The following FAM222A variants were observed in gnomAD, a reference collection of about 807,000 sequenced individuals.
FAM222A encodes protein FAM222A.
Under a neutral mutation model 25.8 loss-of-function variants are expected in FAM222A, and 7 were observed. The observed-to-expected ratio is 0.27, with a 90% CI of 0.15 to 0.51. The LOEUF is 0.51. Among genes scored for constraint, FAM222A ranks in the 20% least tolerant of loss-of-function variants. The probability of loss-of-function intolerance (pLI) is 0.97; values close to 1 mark genes in which losing one functional copy is unlikely to be tolerated. For synonymous variants in FAM222A, 294 were observed against 298.8 expected (o/e 0.98, Z 0.17); for missense variants, 573 against 640.5 (o/e 0.89, Z 1.14).
intron 1 of FAM222A, among the ~76,000 whole-genome samples, chr12:109,721,678 T>C (rs1887748667): frequency 6.6e-6 from 1 of 152,222 alleles, no homozygotes; most frequent in African/African-American, 2.4e-5. Flanking sequence ...GATCTCTGTG[T>C]ATCCAGGTTG....
At chr12:109,720,222 C>T in intron 1 of FAM222A, 1 of 981,712 alleles carries the variant, frequency 1.0e-6, no homozygotes, top group Admixed American at 6.1e-5. Context: ...GCAGAGGGCA[C>T]AGGGGACAAA....
chr12:109,724,746 C>T (rs75368925), intron 1 of FAM222A, among the ~76,000 whole-genome samples: 3 of 152,290 alleles, frequency 2.0e-5, no homozygotes, highest in Non-Finnish European at 4.4e-5. Flanking sequence ...CTTGTCATCT[C>T]TCTTCCCTTG....
intron 1 of FAM222A, among the ~76,000 whole-genome samples, chr12:109,728,000 C>G (rs1032128953): frequency 6.6e-6 from 1 of 152,140 alleles, no homozygotes; most frequent in African/African-American, 2.4e-5. Flanking sequence ...CTCTGAGCCT[C>G]GATCTCCTTA....
chr12:109,725,207 A>G (rs1333329735), intron 1 of FAM222A, among the ~76,000 whole-genome samples: 2 of 152,148 alleles, frequency 1.3e-5, no homozygotes, highest in Admixed American at 6.5e-5. Context: ...AGCAGCCAGC[A>G]TTTGTGGGGC....
At chr12:109,748,334 CTTTT>C (rs61492433) in intron 2 of FAM222A, among the ~76,000 whole-genome samples, 42 of 81,646 alleles carry the variant, frequency 5.1e-4, no homozygotes, top group Non-Finnish European at 7.4e-4. Context: ...GGTTTTCTTT[CTTTT>C]TTTTTTTTTT....
Position 109,768,269 on chromosome 12 carries a change from A to G in FAM222A, c.340A>G (p.Ser114Gly), listed in dbSNP as rs1055284617. ...AIVKAAVSSS[S>G]TAAPAGPAKS... ...TGTCAAGGCCGCGGTTTCCTCCTCC[A>G]GCACGGCCGCACCAGCTGGGCCCGC... Residue 114 changes from serine to glycine, a missense_variant, in exon 3 of 3, where the codon AGC (serine) becomes GGC (glycine). Transcript: ENST00000538780. 1 of 1,607,456 alleles carries G rather than the reference A, an allele frequency of 6.2e-7. No individual in the cohort carries two copies. The highest frequency in any genetic ancestry group is 1.1e-5 in the South Asian group (1 of 90,240).
intron 1 of FAM222A, among the ~76,000 whole-genome samples, chr12:109,733,531 G>A (rs1888000708): frequency 6.6e-6 from 1 of 152,028 alleles, no homozygotes; most frequent in Admixed American, 6.6e-5. Context: ...AGCCTCCTGA[G>A]TAGCTGGGAC....
intron 2 of FAM222A, among the ~76,000 whole-genome samples, chr12:109,759,225 A>G (rs1888818991): frequency 6.6e-6 from 1 of 152,168 alleles, no homozygotes; most frequent in Non-Finnish European, 1.5e-5. Flanking sequence ...CTTATCTGTC[A>G]AATGGGGGCA....
intron 2 of FAM222A, among the ~76,000 whole-genome samples, chr12:109,747,472 A>G (rs1323751856): frequency 6.6e-6 from 1 of 152,086 alleles, no homozygotes; most frequent in African/African-American, 2.4e-5. Flanking sequence ...TGGCTCTTTT[A>G]TTATTTTCTT....
intron 1 of FAM222A, among the ~76,000 whole-genome samples, chr12:109,739,756 T>C (rs1016131635): frequency 2.0e-5 from 3 of 152,172 alleles, no homozygotes; most frequent in Non-Finnish European, 4.4e-5. Flanking sequence ...CTGTACAGTG[T>C]GGGGCTGAGG....
In FAM222A at chr12:109,727,582, A is replaced by G. The variant is rs573494256; in HGVS notation, c.-47+12685A>G. On this transcript the variant is annotated intron_variant, in intron 1 of 2. Transcript: ENST00000538780. ...CCAACACTCCAGCCACCCTTCAGGCAAGGGGCGGTAGTCTCATGTTTCAGA... is the reference window on the plus strand; with the variant it reads ...CCAACACTCCAGCCACCCTTCAGGCGAGGGGCGGTAGTCTCATGTTTCAGA... 6.6e-5 allele frequency among the ~76,000 whole-genome samples: 10 copies of G among 152,282 alleles called. No individual in the cohort carries two copies. In the East Asian group the frequency reaches 1.5e-3, roughly 24 times the overall value.
At position 109,714,196 on chromosome 12, in the gene FAM222A, CCCGCTGCCGCCGCCGCCG is replaced by C. The variant is rs552799193; in HGVS notation, c.-731_-714del. 5.6e-3 allele frequency: 1,168 copies of C among 209,370 alleles called. 10 individuals are homozygous for C. The highest frequency in any genetic ancestry group is 0.021 in the Admixed American group (344 of 16,756). The allele number at this position is 209,370 out of a possible 1,614,324, so 13.0% of individuals were successfully genotyped here. ...CGAGGCTGCATCCGAGCTTGCGTCG[CCCGCTGCCGCCGCCGCCG>C]CCGCTGCCGCCGCCGCTGTTCGCCG... On this transcript the variant is annotated 5_prime_UTR_variant, in exon 1 of 3. Transcript: ENST00000538780. This position sits in a 1 kb window ranked among gnomAD's most constrained non-coding sequence, Gnocchi z 4.2.
chr12:109,763,033 G>A (rs1888942901), intron 2 of FAM222A, among the ~76,000 whole-genome samples: 1 of 152,262 alleles, frequency 6.6e-6, no homozygotes, highest in Admixed American at 6.5e-5. Context: ...CCCAGGGCAG[G>A]TGTGAGAGCT....
chr12:109,768,935 C>A lies in FAM222A; in HGVS notation c.1006C>A (p.Pro336Thr). 6.3e-7 allele frequency: 1 copy of A among 1,576,198 alleles called. No homozygotes were observed. The highest frequency in any genetic ancestry group is 8.6e-7 in the Non-Finnish European group (1 of 1,167,948). Reference sequence around the variant, plus strand: ...ACCCCTCAACTGTGGCGTGGGGCTGCCCACCAGCTTCACCGTAGGCCAGTA... The same window carrying A: ...ACCCCTCAACTGTGGCGTGGGGCTGACCACCAGCTTCACCGTAGGCCAGTA... ...GSPLNCGVGL[P>T]TSFTVGQYFA... Residue 336 changes from proline (P) to threonine (T), a missense_variant, in exon 3 of 3, where the codon CCC (proline) becomes ACC (threonine). This residue lies in a region of FAM222A where 412 missense variants were observed against 407.0 expected (regional missense o/e 1.01). Coordinates refer to ENST00000538780, the MANE Select transcript of FAM222A (RefSeq NM_032829.3).
At chr12:109,755,306 T>C (rs1168956803) in intron 2 of FAM222A, among the ~76,000 whole-genome samples, 1 of 94,136 alleles carries the variant, frequency 1.1e-5, no homozygotes, top group Non-Finnish European at 2.1e-5. Context: ...TTTTTTTTTT[T>C]TTTTTTTTTT....
At chr12:109,744,604 C>T in intron 2 of FAM222A, 2 of 985,424 alleles carry the variant, frequency 2.0e-6, no homozygotes, top group Non-Finnish European at 2.4e-6. Context: ...AATGGGGTCC[C>T]CGCTTGAGGC....
At chr12:109,718,220 AG>A (rs1409117828) in intron 1 of FAM222A, among the ~76,000 whole-genome samples, 1 of 152,184 alleles carries the variant, frequency 6.6e-6, no homozygotes, top group African/African-American at 2.4e-5. Flanking sequence ...TTGGAGCCAA[AG>A]GTTGAAGACC....
At chr12:109,751,755 A>G (rs1159787296) in intron 2 of FAM222A, among the ~76,000 whole-genome samples, 1 of 152,236 alleles carries the variant, frequency 6.6e-6, no homozygotes, top group Non-Finnish European at 1.5e-5. Context: ...TAAGGGGTTT[A>G]GATTTTGTAC....
At chr12:109,734,827 G>T (rs1177491475) in intron 1 of FAM222A, 1 of 152,094 alleles carries the variant, frequency 6.6e-6, no homozygotes, top group African/African-American at 2.4e-5. Context: ...GACCATAGGA[G>T]GGGTTAGAGA....
Sources: allele counts gnomAD v4.1 joint callset (sites outside exome capture counted in the v4.1 genomes callset), GRCh38; gene constraint gnomAD v4.1.1; regional missense constraint gnomAD v4.1.1; non-coding constraint Gnocchi (gnomAD v3.1); transcripts MANE v1.5; gene names NCBI Gene and HGNC (gene_info 2026-07-23, HGNC 2026-07-21).